The following ZNF503 variants were observed in gnomAD, a reference collection of about 807,000 sequenced individuals.
The protein encoded by ZNF503 is zinc finger protein 503, also known as NocA-like zinc finger 2.
ZNF503 carries 15 observed loss-of-function variants against 34.4 expected under a neutral mutation model. The ratio of observed to expected loss-of-function variants is 0.44; its 90% CI spans 0.29 to 0.67. The LOEUF is 0.67. ZNF503 is among the 30% of genes least tolerant of loss of function. The pLI is 0.13. For synonymous variants in ZNF503, 580 were observed against 456.8 expected, an observed-to-expected ratio of 1.27 and a Z score of -3.44; for missense variants, 1,007 against 926.8, an observed-to-expected ratio of 1.09 and a Z score of -1.12.
At chr10:75,325,899 C>T in the ZNF503 span, among the ~76,000 whole-genome samples, 1 of 150,586 alleles carries the variant, frequency 6.6e-6, no homozygotes, top group South Asian at 2.1e-4. Context: ...CACTCTGTCA[C>T]CTGGGCTGGA....
At chr10:75,350,879 A>G in the ZNF503 span, among the ~76,000 whole-genome samples, 3 of 152,114 alleles carry the variant, frequency 2.0e-5, no homozygotes, top group Admixed American at 6.5e-5. Flanking sequence ...TTACATAAAT[A>G]ATATCACACG....
chr10:75,354,738 A>C, the ZNF503 span, among the ~76,000 whole-genome samples: 20 of 152,240 alleles, frequency 1.3e-4, no homozygotes, highest in South Asian at 1.5e-3. Context: ...AACAAACAAA[A>C]AAAAACTTGA....
At chr10:75,379,389 A>G in the ZNF503 span, among the ~76,000 whole-genome samples, 3 of 152,228 alleles carry the variant, frequency 2.0e-5, no homozygotes, top group South Asian at 4.1e-4. Flanking sequence ...CGGATGGATA[A>G]TAATGTCATT....
the ZNF503 span, among the ~76,000 whole-genome samples, chr10:75,292,391 A>G: frequency 1.3e-5 from 2 of 152,188 alleles, no homozygotes; most frequent in Non-Finnish European, 2.9e-5. Context: ...CCAAGCATGG[A>G]GTGGGCTTCA....
the ZNF503 span, among the ~76,000 whole-genome samples, chr10:75,385,346 A>G: frequency 6.6e-6 from 1 of 152,218 alleles, no homozygotes; most frequent in Non-Finnish European, 1.5e-5. Context: ...TCTCAAATCA[A>G]GGGGCTTAAA....
At chr10:75,308,131 T>C in the ZNF503 span, among the ~76,000 whole-genome samples, 1 of 151,946 alleles carries the variant, frequency 6.6e-6, no homozygotes, top group Admixed American at 6.6e-5. Flanking sequence ...TAAAAATGAC[T>C]TATGTTAAAT....
chr10:75,280,911 G>A, the ZNF503 span, among the ~76,000 whole-genome samples: 75 of 152,154 alleles, frequency 4.9e-4, no homozygotes, highest in Admixed American at 6.5e-4. Flanking sequence ...CCAGGTGGAG[G>A]TAATGTGTGC....
the ZNF503 span, among the ~76,000 whole-genome samples, chr10:75,334,037 G>T: frequency 7.8e-6 from 1 of 127,408 alleles, no homozygotes; most frequent in Non-Finnish European, 1.7e-5. Flanking sequence ...GGGCGGAGAC[G>T]CTCCTCACTT....
At position 75,400,090 on chromosome 10, in the gene ZNF503, GC is replaced by G; in HGVS notation, c.599del (p.Gly200AlafsTer95). The G allele has an allele frequency of 1.3e-6, 1 of 791,564 alleles. No individual in the cohort carries two copies. The allele number at this position is 791,564 out of a possible 1,614,324, so 49.0% of individuals were successfully genotyped here. A position where few individuals can be genotyped will look rare whatever the true frequency, so the allele number is the denominator to read the frequency against. On this transcript the variant is annotated frameshift_variant, in exon 2 of 2. Coordinates refer to ENST00000372524, the MANE Select transcript of ZNF503 (RefSeq NM_032772.6). LOFTEE classifies it high-confidence loss of function. ...TCTCCGACGAAACACCCCCGCCGCC[GC>G]CCCCGCCACCGCCACCGCCTCCACC... Reference protein sequence around the residue: ...GGGGGGGGGGGGGGGVSSEKS... With the variant: ...GGGGGGGGGGXGGGGVSSEKS...
the ZNF503 span, chr10:75,350,434 G>A: frequency 2.6e-5 from 4 of 152,174 alleles, no homozygotes; most frequent in African/African-American, 9.7e-5. Flanking sequence ...AGTCCCCTTT[G>A]ATCCTCCCAT....
At chr10:75,397,372 C>A (rs1477505248), downstream of ZNF503, among the ~76,000 whole-genome samples, 1 of 152,224 alleles carries the variant, frequency 6.6e-6, no homozygotes, top group Non-Finnish European at 1.5e-5. Context: ...CCCTCCGCCT[C>A]CCAGTCTATT....
the ZNF503 span, among the ~76,000 whole-genome samples, chr10:75,330,247 T>C: frequency 6.6e-6 from 1 of 152,324 alleles, no homozygotes; most frequent in African/African-American, 2.4e-5. Flanking sequence ...GGCTGCTGGA[T>C]TTGGCTTGCT....
the ZNF503 span, among the ~76,000 whole-genome samples, chr10:75,324,477 T>C: frequency 1.3e-5 from 2 of 152,104 alleles, no homozygotes; most frequent in South Asian, 2.1e-4. Context: ...TACAGACACA[T>C]ACCACCACAC....
At chr10:75,359,596 G>A in the ZNF503 span, among the ~76,000 whole-genome samples, 1 of 152,196 alleles carries the variant, frequency 6.6e-6, no homozygotes, top group African/African-American at 2.4e-5. Flanking sequence ...CTCCTTTGGA[G>A]AACCCACATC....
chr10:75,338,005 C>T, the ZNF503 span, among the ~76,000 whole-genome samples: 1 of 152,208 alleles, frequency 6.6e-6, no homozygotes, highest in South Asian at 2.1e-4. Flanking sequence ...ATCCAAGGTC[C>T]GTGGAAGTTT....
chr10:75,323,051 C>T, the ZNF503 span, among the ~76,000 whole-genome samples: 1 of 152,202 alleles, frequency 6.6e-6, no homozygotes, highest in Non-Finnish European at 1.5e-5. Context: ...CCAAAATTCC[C>T]TTGTTCCGTG....
chr10:75,294,118 ACCAG>A, the ZNF503 span, among the ~76,000 whole-genome samples: 1 of 152,340 alleles, frequency 6.6e-6, no homozygotes, highest in Non-Finnish European at 1.5e-5. Context: ...CTAAGAGGTT[ACCAG>A]CGTCTCCTTT....
the ZNF503 span, among the ~76,000 whole-genome samples, chr10:75,294,486 T>G: frequency 1.3e-5 from 2 of 152,196 alleles, no homozygotes; most frequent in African/African-American, 4.8e-5. Context: ...ATTATTATTT[T>G]TTTGCATGGG....
the ZNF503 span, among the ~76,000 whole-genome samples, chr10:75,337,635 C>A: frequency 2.0e-5 from 3 of 148,714 alleles, no homozygotes; most frequent in Non-Finnish European, 3.0e-5. Context: ...AAAAAAAATT[C>A]TCCACAGCAG....
Sources: allele counts gnomAD v4.1 joint callset (sites outside exome capture counted in the v4.1 genomes callset), GRCh38; gene constraint gnomAD v4.1.1; transcripts MANE v1.5; gene names NCBI Gene and HGNC (gene_info 2026-07-23, HGNC 2026-07-21).